The following STXBP5 variants were observed in gnomAD, a reference collection of about 807,000 sequenced individuals.
STXBP5 encodes the protein syntaxin-binding protein 5.
A neutral mutation model predicts 152.4 loss-of-function variants in STXBP5; 50 were observed. That is an observed-to-expected ratio of 0.33 (90% confidence interval 0.26 to 0.42). The LOEUF is 0.42. STXBP5 is among the 10% of genes least tolerant of loss of function. STXBP5 has a pLI of 1.00. For synonymous variants in STXBP5, 492 were observed against 494.7 expected (o/e 0.99, Z 0.07); for missense variants, 1,167 against 1,388.6 (o/e 0.84, Z 2.54).
rs528085226 is a variant in STXBP5, at chr6:147,367,957, C to T, written c.3081+3791C>T. Among the ~76,000 whole-genome samples, 24 of 151,670 alleles carry T rather than the reference C, an allele frequency of 1.6e-4. No homozygotes were observed. The East Asian group carries it at 4.5e-3, about 28-fold the overall frequency. ...TCTTTAAAGACAAATTACCAAGCCT[C>T]ACTGAAAAAAAAATAGATAACCGAA... is the stretch of plus-strand genomic sequence containing the variant. On this transcript the variant is annotated intron_variant, in intron 25 of 27. Transcript: ENST00000321680.
intron 4 of STXBP5, among the ~76,000 whole-genome samples, chr6:147,260,205 G>GAGT (rs1413284529): frequency 5.9e-5 from 9 of 152,136 alleles, no homozygotes; most frequent in Non-Finnish European, 1.2e-4. Context: ...TGCCTGGAAG[G>GAGT]AGTAGTAACC....
intron 8 of STXBP5, among the ~76,000 whole-genome samples, chr6:147,280,786 A>T (rs1276057775): frequency 6.6e-6 from 1 of 152,192 alleles, no homozygotes; most frequent in Admixed American, 6.6e-5. Context: ...ATTTTTAAAT[A>T]AAAAAGACAA....
intron 7 of STXBP5, among the ~76,000 whole-genome samples, chr6:147,271,889 G>GA (rs1031800965): frequency 4.6e-5 from 7 of 151,642 alleles, no homozygotes; most frequent in Non-Finnish European, 8.8e-5. Flanking sequence ...GAGTGGTGAG[G>GA]AAAAAAAAGA....
chr6:147,272,615 CA>C (rs1191432826), intron 7 of STXBP5, among the ~76,000 whole-genome samples: 1 of 152,054 alleles, frequency 6.6e-6, no homozygotes, highest in Non-Finnish European at 1.5e-5. Context: ...AAGATTTTGA[CA>C]AAATACTACC....
intron 16 of STXBP5, among the ~76,000 whole-genome samples, chr6:147,324,561 C>T (rs571364522): frequency 6.3e-4 from 96 of 152,134 alleles, no homozygotes; most frequent in Middle Eastern, 3.4e-3. Context: ...TGAGCCACTG[C>T]ACCCAGCCAT....
At chr6:147,319,706 T>G (rs138369955) in intron 16 of STXBP5, among the ~76,000 whole-genome samples, 1 of 152,206 alleles carries the variant, frequency 6.6e-6, no homozygotes, top group East Asian at 1.9e-4. Context: ...GATGGAACTT[T>G]GAAGCAGTTC....
chr6:147,328,704 CTGATTG>C (rs775322251), intron 18 of STXBP5: 45 of 470,462 alleles, frequency 9.6e-5, no homozygotes, highest in Middle Eastern at 3.2e-4. Context: ...CTAAGGTGTG[CTGATTG>C]TGACTTCTTG....
At chr6:147,362,954 ACTGCTCCAGGTGCTATCC>A (rs1322511864) in intron 23 of STXBP5, among the ~76,000 whole-genome samples, 1 of 152,190 alleles carries the variant, frequency 6.6e-6, no homozygotes, top group Non-Finnish European at 1.5e-5. Flanking sequence ...CCCCACACTG[ACTGCTCCAGGTGCTATCC>A]ACTTGCTCTC....
chr6:147,287,348 G>T (rs948193902), intron 8 of STXBP5, among the ~76,000 whole-genome samples: 2 of 149,430 alleles, frequency 1.3e-5, no homozygotes, highest in African/African-American at 4.9e-5. Flanking sequence ...GACTACAGGC[G>T]CCCGCCACTA....
At position 147,235,315 on chromosome 6, in the gene STXBP5, A is replaced by G; in HGVS notation, c.314A>G (p.Gln105Arg). 1 of 1,612,972 alleles carries G rather than the reference A, an allele frequency of 6.2e-7. No homozygotes were observed. The highest frequency in any genetic ancestry group is 8.5e-7 in the Non-Finnish European group (1 of 1,179,288). The change falls in exon 3 of 28, where the codon CAG becomes CGG. Residue 105 changes from glutamine (Q) to arginine (R), a missense_variant. Physicochemically the swap from Gln to Arg is conservative, Grantham distance 43 (BLOSUM62 1). This residue lies in a region of STXBP5 where 310 missense variants were observed against 346.1 expected (regional missense o/e 0.90). Coordinates refer to ENST00000321680, the MANE Select transcript of STXBP5 (RefSeq NM_001127715.4). Reference sequence around the variant, plus strand: ...AGTGGAGCTGCAGTAATCCAGCTCCAGTTCCTGATTAATGAGGTTAGTGAA... The same window carrying G: ...AGTGGAGCTGCAGTAATCCAGCTCCGGTTCCTGATTAATGAGGTTAGTGAA... ...HDSGAAVIQL[Q>R]FLINEGALVS...
At chr6:147,208,586 G>T (rs1012999105) in intron 2 of STXBP5, among the ~76,000 whole-genome samples, 7 of 152,002 alleles carry the variant, frequency 4.6e-5, no homozygotes, top group African/African-American at 1.7e-4. Context: ...GACTCTTGTA[G>T]TCTGTAACAC....
chr6:147,213,469 T>TGCGCGCGCGCGC (rs1487236392), intron 2 of STXBP5, among the ~76,000 whole-genome samples: 2 of 121,858 alleles, frequency 1.6e-5, no homozygotes, highest in Non-Finnish European at 3.7e-5. Flanking sequence ...TGTGTGTGTG[T>TGCGCGCGCGCGC]GTGTGTGTGC....
chr6:147,314,662 T>A, intron 14 of STXBP5, 26 bp downstream of exon 14: 1 of 1,556,898 alleles, frequency 6.4e-7, no homozygotes, highest in Non-Finnish European at 8.8e-7. Flanking sequence ...ATTCATTATT[T>A]GTTATATGTT....
At position 147,278,144 on chromosome 6, in the gene STXBP5, A is replaced by G. The variant is rs200611710; in HGVS notation, c.778A>G (p.Thr260Ala). Residue 260 changes from threonine (T) to alanine (A), a missense_variant, in exon 8 of 28, where the codon ACC becomes GCC. Physicochemically the swap from Thr to Ala is moderately conservative, Grantham distance 58. Coordinates refer to ENST00000321680, the MANE Select transcript of STXBP5 (RefSeq NM_001127715.4). ...ATTTATTTGCAGTCATTCAGATGGC[A>G]CCTTGACTATATGGAATGTAAGGTC... is the stretch of plus-strand genomic sequence containing the variant. ...KQFICSHSDGTLTIWNVRSPA... is the reference protein window; with the variant it reads ...KQFICSHSDGALTIWNVRSPA... The G allele has an allele frequency of 1.2e-5, 20 of 1,612,928 alleles. No homozygotes were observed. Among genetic ancestry groups the G allele is most frequent in the Non-Finnish European group, 1.4e-5 (17 of 1,179,292 alleles).
chr6:147,305,567 T>C (rs1279952436), intron 9 of STXBP5, among the ~76,000 whole-genome samples: 1 of 152,198 alleles, frequency 6.6e-6, no homozygotes, highest in Non-Finnish European at 1.5e-5. Context: ...GCAAAATAAA[T>C]CTAAACTTTT....
intron 16 of STXBP5, among the ~76,000 whole-genome samples, chr6:147,317,258 TAAA>T (rs1782690924): frequency 6.6e-6 from 1 of 152,188 alleles, no homozygotes; most frequent in African/African-American, 2.4e-5. Context: ...TACTGGTAGA[TAAA>T]TAATTTCTGG....
In STXBP5 at chr6:147,310,878, A is replaced by AT. The variant is rs895737622; in HGVS notation, c.1073-568dup. On this transcript the variant is annotated intron_variant, in intron 10 of 27. Coordinates refer to ENST00000321680, the MANE Select transcript of STXBP5 (RefSeq NM_001127715.4). ...TCTGAATATATGTATATATATGTAT[A>AT]TTTTTTTTTCACAGCAATGTCTAGA... Among the ~76,000 whole-genome samples the AT allele has an allele frequency of 1.5e-4, 22 of 151,398 alleles. 1 individual carries two copies. The highest frequency in any genetic ancestry group is 2.4e-4 in the African/African-American group (10 of 41,310).
Position 147,291,235 on chromosome 6 carries a change from A to G in STXBP5, c.917+63A>G, listed in dbSNP as rs368734872. The G allele has an allele frequency of 3.2e-5, 43 of 1,343,024 alleles. No homozygotes were observed. In the African/African-American group the frequency reaches 5.7e-4, roughly 18 times the overall value. 83.2% of individuals were successfully genotyped at this position (1,343,024 alleles called of 1,614,324 possible). On this transcript the variant is annotated intron_variant, in intron 9 of 27. Transcript: ENST00000321680. ...AAGTCCTCAAATAGCATGGAAGGCT[A>G]TTTTATCATTAATTTTGAAGGCCTA... is the stretch of plus-strand genomic sequence containing the variant.
At chr6:147,379,346 T>C (rs1428310808) in intron 26 of STXBP5, among the ~76,000 whole-genome samples, 2 of 152,138 alleles carry the variant, frequency 1.3e-5, no homozygotes, top group Non-Finnish European at 2.9e-5. Context: ...GAAATAAATC[T>C]TAAGAGAACA....
Sources: allele counts gnomAD v4.1 joint callset (sites outside exome capture counted in the v4.1 genomes callset), GRCh38; gene constraint gnomAD v4.1.1; regional missense constraint gnomAD v4.1.1; transcripts MANE v1.5; gene names NCBI Gene and HGNC (gene_info 2026-07-23, HGNC 2026-07-21).